The following TCAF1 variants were observed in gnomAD, a reference collection of about 807,000 sequenced individuals.
The protein encoded by TCAF1 is TRPM8 channel-associated factor 1.
Under a neutral mutation model 27.3 loss-of-function variants are expected in TCAF1, and 4 were observed. The observed-to-expected ratio is 0.15, with a 90% CI of 0.07 to 0.34. The LOEUF (loss-of-function observed/expected upper bound fraction) is 0.34, where lower values mean the gene tolerates loss of function less well. TCAF1 is among the 10% of genes least tolerant of loss of function. The pLI, the probability that TCAF1 is intolerant of heterozygous loss-of-function variation, is 1.00. For missense variants in TCAF1, 257 were observed against 425.8 expected, an observed-to-expected ratio of 0.60 and a Z score of 3.49; for synonymous variants, 105 against 167.1, an observed-to-expected ratio of 0.63 and a Z score of 2.87.
intron 1 of TCAF1, among the ~76,000 whole-genome samples, chr7:143,878,918 T>C (rs929477374): frequency 1.3e-5 from 2 of 152,220 alleles, no homozygotes; most frequent in Admixed American, 1.3e-4. Flanking sequence ...CCAAGACCTC[T>C]TCCCACCTTT....
At chr7:143,889,496 A>AG in intron 1 of TCAF1, among the ~76,000 whole-genome samples, 1 of 152,282 alleles carries the variant, frequency 6.6e-6, no homozygotes, top group Admixed American at 6.5e-5. Flanking sequence ...AAAGAGAAGA[A>AG]CTTTCAATGG....
At chr7:143,893,246 C>T (rs918229568) in intron 1 of TCAF1, among the ~76,000 whole-genome samples, 2 of 151,898 alleles carry the variant, frequency 1.3e-5, no homozygotes, top group African/African-American at 4.8e-5. Context: ...AATTTGTATC[C>T]TTAATAACTT....
chr7:143,886,070 C>T (rs1055949549), intron 1 of TCAF1, among the ~76,000 whole-genome samples: 1 of 152,228 alleles, frequency 6.6e-6, no homozygotes, highest in African/African-American at 2.4e-5. Flanking sequence ...GACCATGGAG[C>T]AGGAACTGGC....
At chr7:143,885,116 G>T in intron 1 of TCAF1, 1 of 985,452 alleles carries the variant, frequency 1.0e-6, no homozygotes, top group Non-Finnish European at 1.2e-6. Flanking sequence ...TCTCCCACCC[G>T]CACCTCAGCG....
intron 1 of TCAF1, among the ~76,000 whole-genome samples, chr7:143,900,559 A>G (rs758622109): frequency 7.9e-5 from 12 of 152,038 alleles, no homozygotes; most frequent in Non-Finnish European, 1.8e-4. Flanking sequence ...GGCCCAGTCA[A>G]TACCTTGATT....
chr7:143,885,190 C>T, intron 1 of TCAF1: 6 of 985,550 alleles, frequency 6.1e-6, no homozygotes, highest in South Asian at 4.7e-5. Flanking sequence ...TCCCCGAAAC[C>T]AGCTTTGGAC....
At chr7:143,875,880 T>C in intron 2 of TCAF1, 109 bp downstream of exon 2, 4 of 964,770 alleles carry the variant, frequency 4.1e-6, no homozygotes, top group Admixed American at 2.5e-5. Flanking sequence ...TGATTCCATA[T>C]CTGAGTGCCT....
chr7:143,876,809 C>T (rs1812744568), intron 1 of TCAF1, among the ~76,000 whole-genome samples, 187 bp from the exon 2 acceptor site: 1 of 152,200 alleles, frequency 6.6e-6, no homozygotes, highest in Non-Finnish European at 1.5e-5. Context: ...GCCCTCTCCT[C>T]TTAAATTCTG....
At chr7:143,895,839 T>C (rs538152022) in intron 1 of TCAF1, among the ~76,000 whole-genome samples, 1 of 147,720 alleles carries the variant, frequency 6.8e-6, no homozygotes, top group African/African-American at 2.5e-5. Context: ...TTATATGCGT[T>C]AAACCTATTA....
intron 1 of TCAF1, among the ~76,000 whole-genome samples, chr7:143,899,958 C>CA (rs58603549): frequency 1.7e-3 from 257 of 152,194 alleles, no homozygotes; most frequent in African/African-American, 5.9e-3. Flanking sequence ...GCCAGACTGA[C>CA]AAAAAATGTA....
chr7:143,882,565 C>G (rs1813120875), intron 1 of TCAF1: 1 of 985,284 alleles, frequency 1.0e-6, no homozygotes, highest in Non-Finnish European at 1.2e-6. Flanking sequence ...AGGGGATTCT[C>G]TGTCCCCGAT....
In TCAF1 at chr7:143,852,879, T is replaced by C. The variant is rs1284531009; in HGVS notation, c.*1254A>G. The C allele has an allele frequency of 6.8e-6, 1 of 148,000 alleles. No individual in the cohort carries two copies. Among genetic ancestry groups the C allele is most frequent in the African/African-American group, 2.5e-5 (1 of 39,330 alleles). The allele number at this position is 148,000 out of a possible 1,614,324, so 9.2% of individuals were successfully genotyped here. A position where few individuals can be genotyped will look rare whatever the true frequency, so the allele number is the denominator to read the frequency against. On this transcript the variant is annotated 3_prime_UTR_variant, in exon 9 of 9. Transcript: ENST00000479870. Reference sequence around the variant, plus strand: ...TTTCTTTTTATTTCTTCACCTACACTGTCTCTGTTCTCTCTTCCAGGAACT... The same window carrying C: ...TTTCTTTTTATTTCTTCACCTACACCGTCTCTGTTCTCTCTTCCAGGAACT...
At position 143,876,234 on chromosome 7, in the gene TCAF1, G is replaced by A; in HGVS notation, c.375C>T (p.Tyr125=). 2 of 1,614,174 alleles carry A rather than the reference G, an allele frequency of 1.2e-6. No homozygotes were observed. Among genetic ancestry groups the A allele is most frequent in the Non-Finnish European group, 1.7e-6 (2 of 1,180,038 alleles). The change falls in exon 2 of 9, where the codon TAC becomes TAT. Residue 125 remains tyrosine (Y), a synonymous_variant. Transcript: ENST00000479870. ...EPEVKDSLGV[Y]CIDAYNETMT... Reference sequence around the variant, plus strand: ...TGGTTTCATTGTAGGCATCAATACAGTAAACCCCCAGGGAGTCTTTCACTT... The same window carrying A: ...TGGTTTCATTGTAGGCATCAATACAATAAACCCCCAGGGAGTCTTTCACTT...
At chr7:143,894,904 C>G (rs1813803384) in intron 1 of TCAF1, among the ~76,000 whole-genome samples, 1 of 151,418 alleles carries the variant, frequency 6.6e-6, no homozygotes, top group African/African-American at 2.4e-5. Context: ...CCCTTTACCC[C>G]CAAATAGACA....
intron 2 of TCAF1, among the ~76,000 whole-genome samples, chr7:143,874,577 G>A (rs1026073522): frequency 1.4e-5 from 2 of 146,004 alleles, no homozygotes; most frequent in Non-Finnish European, 3.0e-5. Flanking sequence ...CATCTCTGAT[G>A]ACTTTGTGAA....
intron 2 of TCAF1, among the ~76,000 whole-genome samples, chr7:143,869,187 A>C (rs1021201388): frequency 6.6e-6 from 1 of 151,340 alleles, no homozygotes; most frequent in African/African-American, 2.4e-5. Context: ...ATTTTAATAG[A>C]GATAGCGTTT....
At position 143,876,343 on chromosome 7, in the gene TCAF1, C is replaced by T; in HGVS notation, c.266G>A (p.Gly89Glu). Residue 89 changes from glycine (G) to glutamate (E), a missense_variant, in exon 2 of 9, where the codon GGG becomes GAG. Around this residue, in one of 2 missense-constraint regions of TCAF1, gnomAD observed 255 missense variants for 260.1 expected, o/e 0.98. Coordinates refer to ENST00000479870, the MANE Select transcript of TCAF1 (RefSeq NM_014719.3). The stretch of plus-strand genomic sequence containing the variant: ...GGATGGGTGTACACCAATGGGAGCC[C>T]CAGGGGAAGAGCAAAGCCACCCCAC... ...NAVGWLCSSP[G>E]APIGVHPSLA... 6.2e-7 allele frequency: 1 copy of T among 1,614,106 alleles called. No individual in the cohort carries two copies. The highest frequency in any genetic ancestry group is 8.5e-7 in the Non-Finnish European group (1 of 1,180,006).
intron 1 of TCAF1, among the ~76,000 whole-genome samples, chr7:143,881,144 G>C (rs772851623): frequency 2.6e-5 from 4 of 152,198 alleles, no homozygotes; most frequent in African/African-American, 7.2e-5. Flanking sequence ...GGTGGATGGA[G>C]GGCCATGCTG....
At chr7:143,882,582 T>C in intron 1 of TCAF1, 6 of 985,408 alleles carry the variant, frequency 6.1e-6, no homozygotes, top group Non-Finnish European at 6.0e-6. Flanking sequence ...CGATGATTTC[T>C]GATTTCGGCA....
Sources: gnomAD v4.1 joint callset for allele counts (sites outside exome capture counted in the v4.1 genomes callset) on GRCh38, gnomAD v4.1.1 for gene constraint, gnomAD v4.1.1 regional missense constraint, MANE v1.5 for transcripts, NCBI Gene and HGNC (gene_info 2026-07-23, HGNC 2026-07-21) for gene names.